The following CACNA2D3 variants were observed in gnomAD, a reference collection of about 807,000 sequenced individuals.
The protein encoded by CACNA2D3 is calcium voltage-gated channel auxiliary subunit alpha2delta 3.
A neutral mutation model predicts 160.6 loss-of-function variants in CACNA2D3; 60 were observed. The observed-to-expected ratio is 0.37, with a 90% CI of 0.30 to 0.46. The LOEUF (loss-of-function observed/expected upper bound fraction) is 0.46. CACNA2D3 is among the 20% of genes least tolerant of loss of function. The pLI, the probability that CACNA2D3 is intolerant of heterozygous loss-of-function variation, is 1.00. For synonymous variants in CACNA2D3, 558 were observed against 492.9 expected (o/e 1.13, Z -1.75); for missense variants, 1,205 against 1,365.0 (o/e 0.88, Z 1.85).
At chr3:54,918,987 T>TG in intron 27 of CACNA2D3, 1 of 989,888 alleles carries the variant, frequency 1.0e-6, no homozygotes, top group Admixed American at 4.1e-5. Flanking sequence ...ATGGAATTTA[T>TG]GAAGTACCTT....
At chr3:54,350,535 C>T (rs1194460473) in intron 3 of CACNA2D3, among the ~76,000 whole-genome samples, 1 of 152,114 alleles carries the variant, frequency 6.6e-6, no homozygotes, top group Non-Finnish European at 1.5e-5. Context: ...AAGTGTAGGC[C>T]ATTTTAGGTT....
chr3:54,615,285 G>A (rs762625067), intron 9 of CACNA2D3, among the ~76,000 whole-genome samples: 6 of 152,058 alleles, frequency 3.9e-5, no homozygotes, highest in Non-Finnish European at 7.4e-5. Context: ...AAAACATCAC[G>A]AATGAATAGC....
chr3:54,821,382 C>T (rs1458276801), intron 14 of CACNA2D3, among the ~76,000 whole-genome samples: 4 of 152,206 alleles, frequency 2.6e-5, no homozygotes, highest in African/African-American at 7.2e-5. Context: ...TGAACAAACA[C>T]AGCAGGGTTC....
intron 11 of CACNA2D3, among the ~76,000 whole-genome samples, chr3:54,645,256 C>T (rs1195480157): frequency 6.6e-6 from 1 of 152,104 alleles, no homozygotes; most frequent in African/African-American, 2.4e-5. Context: ...CATTCACTAT[C>T]ATGAGAACTG....
chr3:54,773,615 T>C (rs551003519), intron 13 of CACNA2D3, among the ~76,000 whole-genome samples: 3 of 152,356 alleles, frequency 2.0e-5, no homozygotes, highest in Admixed American at 6.5e-5. Context: ...GCAGTCATTA[T>C]AACTCTGGCA....
rs139438764 is a variant in CACNA2D3, at chr3:54,232,261, G to A, written c.205-88181G>A. 9.2e-4 allele frequency among the ~76,000 whole-genome samples: 140 copies of A among 152,254 alleles called. 3 individuals carry two copies. Among genetic ancestry groups the A allele is most frequent in the Admixed American group, 2.2e-3 (34 of 15,306 alleles). ...GTTACTGAATCCTTTGAAGCTTGGG[G>A]GTTTTCAGCTACAGGGAGGTGATGA... On this transcript the variant is annotated intron_variant, in intron 2 of 37. Transcript: ENST00000474759.
At chr3:54,271,852 A>C (rs1181291106) in intron 2 of CACNA2D3, among the ~76,000 whole-genome samples, 1 of 152,200 alleles carries the variant, frequency 6.6e-6, no homozygotes, top group Non-Finnish European at 1.5e-5. Context: ...TTTGTCTCGG[A>C]GAAACTGGGC....
Position 54,736,034 on chromosome 3 carries a change from TGTATATATATACACATAC to T in CACNA2D3, c.1168-16564_1168-16547del, listed in dbSNP as rs1559563524. ...ATATATATACACATACATATATATA[TGTATATATATACACATAC>T]ATATGTATGTATATATATATACATA... On this transcript the variant is annotated intron_variant, in intron 11 of 37. Transcript: ENST00000474759. Among the ~76,000 whole-genome samples the T allele has an allele frequency of 2.1e-3, 116 of 56,506 alleles. 2 individuals carry two copies. The highest frequency in any genetic ancestry group is 3.4e-3 in the Non-Finnish European group (93 of 27,608). The allele number at this position is 56,506 out of a possible 152,430, so 37.1% of individuals were successfully genotyped here. A position where few individuals can be genotyped will look rare whatever the true frequency, so the allele number is the denominator to read the frequency against.
Position 54,642,124 on chromosome 3 carries a change from C to T in CACNA2D3, c.1054-4C>T. 6.3e-7 allele frequency: 1 copy of T among 1,595,804 alleles called. No individual in the cohort carries two copies. The highest frequency in any genetic ancestry group is 1.1e-5 in the South Asian group (1 of 89,026). On this transcript the variant is annotated splice_polypyrimidine_tract_variant and splice_region_variant and intron_variant, in intron 10 of 37. Transcript: ENST00000474759. The stretch of plus-strand genomic sequence containing the variant: ...TACTATTTTGAACTTATTTCTTTCC[C>T]TAGTTCAACCACACGGGACAAGGAA...
At chr3:54,370,188 C>A (rs1366056632) in intron 3 of CACNA2D3, among the ~76,000 whole-genome samples, 1 of 152,094 alleles carries the variant, frequency 6.6e-6, no homozygotes, top group South Asian at 2.1e-4. Flanking sequence ...AAGTGAGAAC[C>A]CTTTTAATTA....
intron 5 of CACNA2D3, among the ~76,000 whole-genome samples, chr3:54,526,995 A>T (rs892237147): frequency 6.6e-6 from 1 of 152,060 alleles, no homozygotes; most frequent in Admixed American, 6.6e-5. Context: ...GGGGCCAGGC[A>T]CCCCCAATTG....
At chr3:54,751,402 G>T (rs892698717) in intron 11 of CACNA2D3, among the ~76,000 whole-genome samples, 1 of 152,120 alleles carries the variant, frequency 6.6e-6, no homozygotes, top group Non-Finnish European at 1.5e-5. Context: ...CAGATTAGAG[G>T]ATATGCATAA....
At chr3:54,828,588 TAGAAG>T (rs1575499338) in intron 14 of CACNA2D3, among the ~76,000 whole-genome samples, 1 of 152,334 alleles carries the variant, frequency 6.6e-6, no homozygotes, top group South Asian at 2.1e-4. Context: ...ACAATTTTAT[TAGAAG>T]AGGACTGTTT....
chr3:54,689,253 C>T (rs1700527070), intron 11 of CACNA2D3, among the ~76,000 whole-genome samples: 1 of 152,082 alleles, frequency 6.6e-6, no homozygotes, highest in South Asian at 2.1e-4. Context: ...CTCTCACGAG[C>T]CTCTTCTCAG....
chr3:54,961,160 G>A (rs1702022101), intron 27 of CACNA2D3, among the ~76,000 whole-genome samples: 2 of 152,324 alleles, frequency 1.3e-5, no homozygotes, highest in East Asian at 1.9e-4. Context: ...AAACATGCCA[G>A]GCCTTGTTAC....
chr3:54,137,704 G>T (rs558362767), intron 2 of CACNA2D3, among the ~76,000 whole-genome samples: 2 of 152,126 alleles, frequency 1.3e-5, no homozygotes, highest in African/African-American at 4.8e-5. Context: ...CTGGTATTTT[G>T]TACTTTATTC....
chr3:54,316,425 T>A (rs891438130), intron 2 of CACNA2D3, among the ~76,000 whole-genome samples: 4 of 152,214 alleles, frequency 2.6e-5, no homozygotes, highest in African/African-American at 9.6e-5. Flanking sequence ...ATTATATTTT[T>A]CTAATGTGAT....
chr3:54,223,851 C>A (rs200263309), intron 2 of CACNA2D3, among the ~76,000 whole-genome samples: 1,727 of 95,342 alleles, frequency 0.018, no homozygotes, highest in Middle Eastern at 0.023. Context: ...GACTCTGTCT[C>A]AAAAAAAAAA....
At chr3:54,267,230 T>G (rs967145862) in intron 2 of CACNA2D3, among the ~76,000 whole-genome samples, 4 of 152,212 alleles carry the variant, frequency 2.6e-5, no homozygotes, top group Admixed American at 6.5e-5. Flanking sequence ...CTTTTACAAT[T>G]GACAGATTGT....
Sources: allele counts gnomAD v4.1 joint callset (sites outside exome capture counted in the v4.1 genomes callset), GRCh38; gene constraint gnomAD v4.1.1; transcripts MANE v1.5; gene names NCBI Gene and HGNC (gene_info 2026-07-23, HGNC 2026-07-21).